Variants in SETX observed in about 807,000 individuals in gnomAD.
SETX encodes helicase senataxin.
SETX carries 90 observed loss-of-function variants against 227.2 expected under a neutral mutation model. The observed-to-expected ratio is 0.40, with a 90% CI of 0.33 to 0.47. SETX has a LOEUF of 0.47. Among genes scored for constraint, SETX ranks in the 20% least tolerant of loss-of-function variants. SETX has a pLI of 0.91. For missense variants in SETX, 3,052 were observed against 3,181.5 expected (o/e 0.96, Z 0.98); for synonymous variants, 1,210 against 1,113.2 (o/e 1.09, Z -1.73).
At chr9:132,352,934 A>G (rs993337057) in intron 2 of SETX, among the ~76,000 whole-genome samples, 1 of 152,150 alleles carries the variant, frequency 6.6e-6, no homozygotes, top group African/African-American at 2.4e-5. Flanking sequence ...TGAGCTCCAG[A>G]GCCTACCCCT....
At position 132,328,130 on chromosome 9, in the gene SETX, T is replaced by C; in HGVS notation, c.3468A>G (p.Glu1156=). The C allele has an allele frequency of 6.2e-7, 1 of 1,614,098 alleles. No homozygotes were observed. Among genetic ancestry groups the C allele is most frequent in the Non-Finnish European group, 8.5e-7 (1 of 1,180,012 alleles). Residue 1156 remains glutamate, a synonymous_variant, in exon 10 of 26, where the codon GAA becomes GAG. Transcript: ENST00000224140. ...SISVEEFCEI[E]VKKPKRKRSE... ...ATCGTTTTCTCTTAGGCTTTTTTACTTCAATTTCACAAAATTCTTCAACAG... is the reference window on the plus strand; with the variant it reads ...ATCGTTTTCTCTTAGGCTTTTTTACCTCAATTTCACAAAATTCTTCAACAG...
rs1366288253 is a variant in SETX at position 132,348,770 on chromosome 9, T to A, written c.177+482A>T. 7.3e-5 allele frequency among the ~76,000 whole-genome samples: 11 copies of A among 151,620 alleles called. 1 individual carries two copies. Among genetic ancestry groups the A allele is most frequent in the Admixed American group, 6.6e-4 (10 of 15,226 alleles). On this transcript the variant is annotated intron_variant, in intron 3 of 25. Coordinates refer to ENST00000224140, the MANE Select transcript of SETX (RefSeq NM_015046.7). Reference sequence around the variant, plus strand: ...ATAAGACCTCGTCTCTACAAAAAAATTTTAAAAATTAGCAGAGCATGGTGG... The same window carrying A: ...ATAAGACCTCGTCTCTACAAAAAAAATTTAAAAATTAGCAGAGCATGGTGG...
At chr9:132,298,814 G>A (rs992746531) in intron 12 of SETX, among the ~76,000 whole-genome samples, 6 of 152,206 alleles carry the variant, frequency 3.9e-5, no homozygotes, top group Non-Finnish European at 2.9e-5. Context: ...GCGACTCAGA[G>A]TAAAACGGGG....
chr9:132,354,990 G>A (rs1347966519), upstream of SETX: 1 of 152,294 alleles, frequency 6.6e-6, no homozygotes. Flanking sequence ...CGGAAGTGCG[G>A]GCCCGCAGCC....
Position 132,327,810 on chromosome 9 carries a change from C to T in SETX, c.3788G>A (p.Arg1263Lys). The T allele has an allele frequency of 6.2e-7, 1 of 1,614,150 alleles. No homozygotes were observed. The highest frequency in any genetic ancestry group is 8.5e-7 in the Non-Finnish European group (1 of 1,180,040). Residue 1263 changes from arginine (R) to lysine (K), a missense_variant, in exon 10 of 26, where the codon AGA becomes AAA. By Grantham distance (26) the Arg-to-Lys change is conservative. Transcript: ENST00000224140. ...TGGCGGCACTATAGCAGGAGTTGTT[C>T]TACAACTTAGGTAATTTGAACTTCT... ...QNRSSNYLSC[R>K]TTPAIVPPKK...
Position 132,264,914 on chromosome 9 carries a change from T to C in SETX, c.7359A>G (p.Lys2453=), listed in dbSNP as rs1842565975. 2 of 1,613,992 alleles carry C rather than the reference T, an allele frequency of 1.2e-6. No individual in the cohort carries two copies. Among genetic ancestry groups the C allele is most frequent in the African/African-American group, 1.3e-5 (1 of 74,882 alleles). The change falls in exon 26 of 26, where the codon AAA becomes AAG. Residue 2453 remains lysine (K), a synonymous_variant. Coordinates refer to ENST00000224140, the MANE Select transcript of SETX (RefSeq NM_015046.7). ...TCTTCACTGCATCATGTCTATAGTT[T>C]TTGTCACAGGTCTTAATAATGGCAC... ...KRGAIIKTCD[K]NYRHDAVKIL...
rs756456944 is a variant in SETX, at chr9:132,278,239, A to G, written c.6673T>C (p.Tyr2225His). 1.2e-6 allele frequency: 2 copies of G among 1,614,062 alleles called. No individual in the cohort carries two copies. The highest frequency in any genetic ancestry group is 1.7e-6 in the Non-Finnish European group (2 of 1,180,036). Residue 2225 changes from tyrosine to histidine, a missense_variant, in exon 21 of 26, where the codon TAC becomes CAC. Tyr to His is a moderately conservative substitution (Grantham distance 83). This residue lies in a region of SETX where 412 missense variants were observed against 589.0 expected (regional missense o/e 0.70). Coordinates refer to ENST00000224140, the MANE Select transcript of SETX (RefSeq NM_015046.7). Reference protein sequence around the residue: ...VISMKAQEYGYDQSMMARFCR... With the variant: ...VISMKAQEYGHDQSMMARFCR... ...AAGCGAGCCATCATTGACTGGTCGT[A>G]GCCATACTCCTGTGCTTTCTGTGAG...
intron 12 of SETX, 138 bp downstream of exon 12, chr9:132,300,492 G>A: frequency 1.2e-6 from 1 of 867,820 alleles, no homozygotes; most frequent in Non-Finnish European, 1.9e-6. Context: ...AAGAGACTCT[G>A]AATGGCCATG....
chr9:132,346,494 G>A, intron 3 of SETX, 23 bp from the exon 4 acceptor site: 1 of 1,528,188 alleles, frequency 6.5e-7, no homozygotes, highest in Non-Finnish European at 9.0e-7. Flanking sequence ...AAAATGGGCA[G>A]TGTGCGTTAT....
chr9:132,349,326 C>G lies in SETX; in HGVS notation c.103G>C (p.Glu35Gln). ...TPSGEFQTAD[E>Q]DLCYCLECVA... Reference sequence around the variant, plus strand: ...CACTCCAAGCAGTAGCAGAGGTCTTCGTCGGCTGTTTGAAATTCACCGGAC... The same window carrying G: ...CACTCCAAGCAGTAGCAGAGGTCTTGGTCGGCTGTTTGAAATTCACCGGAC... Residue 35 changes from glutamate (E) to glutamine (Q), a missense_variant, in exon 3 of 26, where the codon GAA (glutamate) becomes CAA (glutamine). This residue lies in a region of SETX where 152 missense variants were observed against 156.2 expected (regional missense o/e 0.97). Transcript: ENST00000224140. The G allele has an allele frequency of 6.2e-7, 1 of 1,614,080 alleles. No individual in the cohort carries two copies. Among genetic ancestry groups the G allele is most frequent in the Non-Finnish European group, 8.5e-7 (1 of 1,180,026 alleles).
chr9:132,345,892 G>A (rs911305024), intron 4 of SETX, among the ~76,000 whole-genome samples: 5 of 152,156 alleles, frequency 3.3e-5, no homozygotes, highest in East Asian at 1.9e-4. Flanking sequence ...AATGGCACAC[G>A]CCTGTACTCC....
rs1160987225 is a variant in SETX, at chr9:132,263,172, T to A, written c.*1067A>T. 6.6e-6 allele frequency: 1 copy of A among 152,228 alleles called. No homozygotes were observed. Among genetic ancestry groups the A allele is most frequent in the Non-Finnish European group, 1.5e-5 (1 of 68,034 alleles). 9.4% of individuals were successfully genotyped at this position (152,228 alleles called of 1,614,324 possible). ...TCTTCCCAGTTCTGAACTCCTCTGG[T>A]TACGCTTCATTTTAAATCGGGTGCT... On this transcript the variant is annotated 3_prime_UTR_variant, in exon 26 of 26. Coordinates refer to ENST00000224140, the MANE Select transcript of SETX (RefSeq NM_015046.7).
At chr9:132,350,169 A>G (rs573627259) in intron 2 of SETX, among the ~76,000 whole-genome samples, 67 of 152,312 alleles carry the variant, frequency 4.4e-4, no homozygotes, top group Non-Finnish European at 5.3e-4. Context: ...CCTGGCCAAC[A>G]TGGTGAAACC....
In SETX at chr9:132,286,550, T is replaced by G. The variant is rs1843911151; in HGVS notation, c.6325-56A>C. ...ACTAAACTAAGCATTTTTAAATGCC[T>G]TCCAATGGACTACCTCTAATTTTAA... On this transcript the variant is annotated intron_variant, in intron 17 of 25. Transcript: ENST00000224140. The G allele has an allele frequency of 5.1e-6, 6 of 1,186,258 alleles. No homozygotes were observed. The South Asian group carries it at 7.4e-5, about 15-fold the overall frequency. 73.5% of individuals were successfully genotyped at this position (1,186,258 alleles called of 1,614,324 possible).
At chr9:132,281,686 C>A (rs1401223194) in intron 19 of SETX, 112 bp from the exon 20 acceptor site, 18 of 776,992 alleles carry the variant, frequency 2.3e-5, no homozygotes, top group Non-Finnish European at 2.7e-5. Flanking sequence ...TTCTCCTGCA[C>A]CAAATATCAA....
At chr9:132,307,899 G>A (rs573079114) in intron 11 of SETX, among the ~76,000 whole-genome samples, 1 of 152,164 alleles carries the variant, frequency 6.6e-6, no homozygotes, top group Admixed American at 6.5e-5. Flanking sequence ...GGCTGGTCTC[G>A]AACTCCTGAC....
At position 132,264,069 on chromosome 9, in the gene SETX, C is replaced by G. The variant is rs1275666350; in HGVS notation, c.*170G>C. 1 of 878,894 alleles carries G rather than the reference C, an allele frequency of 1.1e-6. No homozygotes were observed. Among genetic ancestry groups the G allele is most frequent in the Non-Finnish European group, 1.7e-6 (1 of 571,878 alleles). 54.4% of individuals were successfully genotyped at this position (878,894 alleles called of 1,614,324 possible). A position where few individuals can be genotyped will look rare whatever the true frequency, so the allele number is the denominator to read the frequency against. ...GCCCTCTGAAAGCTTTTGCAAATGA[C>G]AGAAAATACTGAAGATGACCAGAGG... On this transcript the variant is annotated 3_prime_UTR_variant, in exon 26 of 26. Transcript: ENST00000224140.
In SETX at chr9:132,304,039, G is replaced by A. The variant is rs141677776; in HGVS notation, c.5375-3236C>T. Reference sequence around the variant, plus strand: ...GGAGGCTGAGGCAGGAGAATTGCTTGAACCCGGGAGGCGGAGGTTGCAGCC... The same window carrying A: ...GGAGGCTGAGGCAGGAGAATTGCTTAAACCCGGGAGGCGGAGGTTGCAGCC... On this transcript the variant is annotated intron_variant, in intron 11 of 25. Coordinates refer to ENST00000224140, the MANE Select transcript of SETX (RefSeq NM_015046.7). Among the ~76,000 whole-genome samples, 1,187 of 152,302 alleles carry A rather than the reference G, an allele frequency of 7.8e-3. 25 individuals are homozygous for A. The highest frequency in any genetic ancestry group is 0.026 in the African/African-American group (1,091 of 41,560).
intron 2 of SETX, among the ~76,000 whole-genome samples, chr9:132,351,163 C>T (rs1302953382): frequency 1.3e-5 from 2 of 151,692 alleles, no homozygotes; most frequent in African/African-American, 4.8e-5. Flanking sequence ...TTTTTTTTTC[C>T]GGTAACCTAG....
Sources: allele counts gnomAD v4.1 joint callset (sites outside exome capture counted in the v4.1 genomes callset), GRCh38; gene constraint gnomAD v4.1.1; regional missense constraint gnomAD v4.1.1; transcripts MANE v1.5; gene names NCBI Gene and HGNC (gene_info 2026-07-23, HGNC 2026-07-21).